Variants in KIAA1217 observed in about 807,000 individuals in gnomAD.
KIAA1217 encodes the protein sickle tail protein homolog.
A neutral mutation model predicts 163.9 loss-of-function variants in KIAA1217; 88 were observed. That is an observed-to-expected ratio of 0.54 (90% CI 0.45 to 0.64). The LOEUF is 0.64. Ranked by LOEUF, KIAA1217 falls within the 30% of genes least tolerant of loss-of-function variation. The pLI, the probability that KIAA1217 is intolerant of heterozygous loss-of-function variation, is 0.00. For missense variants in KIAA1217, 2,372 were observed against 2,475.0 expected (o/e 0.96, Z 0.88); for synonymous variants, 903 against 923.1 (o/e 0.98, Z 0.39).
rs151287223 is a variant in KIAA1217, at chr10:24,433,141, A to G, written c.700A>G (p.Ile234Val). The change falls in exon 4 of 21, where the codon ATT becomes GTT. Residue 234 changes from isoleucine to valine, a missense_variant. This residue lies in a region of KIAA1217 where 1,431 missense variants were observed against 1,470.3 expected (regional missense o/e 0.97). Coordinates refer to ENST00000376454, the MANE Select transcript of KIAA1217 (RefSeq NM_019590.5). ...AATGCTGGAATCGCCCAGTGTCGCC[A>G]TTTACATCAAAGATGAAAGCAGAAA... ...MKMLESPSVA[I>V]YIKDESRNVY... 4 of 1,614,162 alleles carry G rather than the reference A, an allele frequency of 2.5e-6. No individual in the cohort carries two copies. Among genetic ancestry groups the G allele is most frequent in the Non-Finnish European group, 3.4e-6 (4 of 1,180,026 alleles).
At chr10:24,346,568 CTTTTT>C in intron 2 of KIAA1217, among the ~76,000 whole-genome samples, 1 of 121,032 alleles carries the variant, frequency 8.3e-6, no homozygotes, top group Admixed American at 9.1e-5. Flanking sequence ...TTTGTTGGCC[CTTTTT>C]TTTTTTTTTT....
At chr10:23,712,163 AC>A (rs1430023756) in intron 1 of KIAA1217, among the ~76,000 whole-genome samples, 4 of 152,090 alleles carry the variant, frequency 2.6e-5, no homozygotes, top group Admixed American at 6.6e-5. Flanking sequence ...GTATCAAAAT[AC>A]CTGGCACAGA....
At chr10:24,149,380 A>G (rs1033730743) in intron 2 of KIAA1217, among the ~76,000 whole-genome samples, 1 of 151,718 alleles carries the variant, frequency 6.6e-6, no homozygotes, top group Admixed American at 6.6e-5. Flanking sequence ...GACGAGTTTC[A>G]CCCATGTTGA....
intron 2 of KIAA1217, among the ~76,000 whole-genome samples, chr10:24,200,304 G>A (rs1429066027): frequency 6.6e-6 from 1 of 151,544 alleles, no homozygotes; most frequent in African/African-American, 2.4e-5. Context: ...AAACTCCCGG[G>A]CTTCCGGCTA....
intron 9 of KIAA1217, among the ~76,000 whole-genome samples, chr10:24,510,957 T>G (rs1020373114): frequency 6.6e-6 from 1 of 151,948 alleles, no homozygotes; most frequent in Non-Finnish European, 1.5e-5. Flanking sequence ...TATTTTCAGT[T>G]TTCTGCTAAT....
chr10:23,700,999 T>C (rs751645206), intron 1 of KIAA1217, among the ~76,000 whole-genome samples: 4 of 152,214 alleles, frequency 2.6e-5, no homozygotes, highest in Non-Finnish European at 5.9e-5. Flanking sequence ...TCTGTAAATA[T>C]TTCTTGAATA....
At chr10:24,509,809 A>T (rs531336243) in intron 9 of KIAA1217, among the ~76,000 whole-genome samples, 1 of 152,234 alleles carries the variant, frequency 6.6e-6, no homozygotes, top group African/African-American at 2.4e-5. Context: ...TATTCTGACA[A>T]TAAAGTAAGT....
At chr10:24,031,635 T>TAA (rs1467126253) in intron 2 of KIAA1217, among the ~76,000 whole-genome samples, 1 of 152,150 alleles carries the variant, frequency 6.6e-6, no homozygotes. Context: ...TGGCCTTAAA[T>TAA]AATTTTTAAA....
intron 9 of KIAA1217, among the ~76,000 whole-genome samples, chr10:24,512,459 C>A (rs879499727): frequency 1.3e-5 from 2 of 152,072 alleles, no homozygotes; most frequent in Admixed American, 6.5e-5. Context: ...CAGACTCCTG[C>A]GAAGCCTGAA....
intron 1 of KIAA1217, among the ~76,000 whole-genome samples, chr10:23,737,054 G>T (rs1410037213): frequency 6.6e-6 from 1 of 152,046 alleles, no homozygotes; most frequent in Non-Finnish European, 1.5e-5. Flanking sequence ...CGTGAACATG[G>T]TTTCTTTCCC....
At chr10:23,752,381 A>G (rs1181472297) in intron 1 of KIAA1217, among the ~76,000 whole-genome samples, 1 of 152,230 alleles carries the variant, frequency 6.6e-6, no homozygotes, top group Non-Finnish European at 1.5e-5. Context: ...AAGTCATTGA[A>G]CAAATTATTT....
intron 3 of KIAA1217, among the ~76,000 whole-genome samples, chr10:24,417,746 T>C (rs978796816): frequency 6.6e-6 from 1 of 152,096 alleles, no homozygotes; most frequent in African/African-American, 2.4e-5. Context: ...CATCCCACAT[T>C]TACTGTTTTT....
chr10:24,205,783 A>AG (rs1564826914), upstream of KIAA1217, among the ~76,000 whole-genome samples: 1 of 151,766 alleles, frequency 6.6e-6, no homozygotes, highest in East Asian at 1.9e-4. Flanking sequence ...AAAAAAAAAA[A>AG]GGAAAGAAGG....
intron 1 of KIAA1217, among the ~76,000 whole-genome samples, chr10:23,742,049 T>C (rs1222633765): frequency 2.0e-5 from 3 of 152,176 alleles, no homozygotes; most frequent in Non-Finnish European, 2.9e-5. Flanking sequence ...AATTAAGGGC[T>C]AATGTAATGG....
At chr10:24,437,760 G>A (rs551368545) in intron 4 of KIAA1217, among the ~76,000 whole-genome samples, 14 of 151,114 alleles carry the variant, frequency 9.3e-5, no homozygotes, top group South Asian at 2.1e-4. Flanking sequence ...CCAGCAATTC[G>A]ATTTGTATAT....
At chr10:24,096,877 G>T (rs1338117147) in intron 2 of KIAA1217, among the ~76,000 whole-genome samples, 2 of 152,108 alleles carry the variant, frequency 1.3e-5, no homozygotes, top group African/African-American at 4.8e-5. Context: ...AAGTGGGTCA[G>T]GCTTATTCAT....
At chr10:24,216,918 G>A (rs2068901859) in intron 1 of KIAA1217, among the ~76,000 whole-genome samples, 1 of 148,886 alleles carries the variant, frequency 6.7e-6, no homozygotes, top group Admixed American at 6.7e-5. Context: ...TGCGGTCCCA[G>A]CTAGTCAGGA....
chr10:23,831,630 A>G (rs1248664348), intron 1 of KIAA1217, among the ~76,000 whole-genome samples: 2 of 152,178 alleles, frequency 1.3e-5, no homozygotes, highest in African/African-American at 4.8e-5. Flanking sequence ...TAATGATAAA[A>G]TTTGAGTAGT....
intron 2 of KIAA1217, among the ~76,000 whole-genome samples, chr10:24,098,724 CGTGTGTGTGTGTGTGT>C: frequency 7.2e-6 from 1 of 139,366 alleles, no homozygotes; most frequent in African/African-American, 2.7e-5. Context: ...TGAAGGGGAG[CGTGTGTGTGTGTGTGT>C]GTGTGTGTGT....
Sources: gnomAD v4.1 joint callset for allele counts (sites outside exome capture counted in the v4.1 genomes callset) on GRCh38, gnomAD v4.1.1 for gene constraint, gnomAD v4.1.1 regional missense constraint, MANE v1.5 for transcripts, NCBI Gene and HGNC (gene_info 2026-07-23, HGNC 2026-07-21) for gene names.